Variants in DAPK1 observed in about 807,000 individuals in gnomAD.
DAPK1 encodes the protein death associated protein kinase 1.
A neutral mutation model predicts 144.9 loss-of-function variants in DAPK1; 56 were observed. The ratio of observed to expected loss-of-function variants is 0.39; its 90% CI spans 0.31 to 0.48. The LOEUF (loss-of-function observed/expected upper bound fraction) is 0.48, where lower values mean the gene tolerates loss of function less well. DAPK1 is among the 20% of genes least tolerant of loss of function. The pLI is 0.95. For missense variants in DAPK1, 1,454 were observed against 1,875.4 expected, an observed-to-expected ratio of 0.78 and a Z score of 4.15; for synonymous variants, 690 against 749.0, an observed-to-expected ratio of 0.92 and a Z score of 1.29.
chr9:87,647,101 AG>A (rs1483849465), intron 13 of DAPK1, among the ~76,000 whole-genome samples: 12 of 152,270 alleles, frequency 7.9e-5, no homozygotes, highest in African/African-American at 2.9e-4. Flanking sequence ...CGCTTCACCC[AG>A]GTGCCCCTAA....
intron 2 of DAPK1, among the ~76,000 whole-genome samples, chr9:87,587,379 G>A (rs1411211978): frequency 6.6e-6 from 1 of 152,194 alleles, no homozygotes; most frequent in African/African-American, 2.4e-5. Flanking sequence ...TATAGAATAA[G>A]TACTGGTCTT....
chr9:87,686,666 G>C lies in DAPK1; in HGVS notation c.2340G>C (p.Pro780=). 1.2e-6 allele frequency: 2 copies of C among 1,612,986 alleles called. No homozygotes were observed. Among genetic ancestry groups the C allele is most frequent in the Non-Finnish European group, 1.7e-6 (2 of 1,179,132 alleles). ...TKGMLEVFVA[P]THHPHCSADD... ...GGATGCTGGAGGTGTTTGTGGCCCC[G>C]ACCCACCACCCGCACTGCTCGGCCG... The change falls in exon 21 of 26, where the codon CCG becomes CCC. Residue 780 remains proline (P), a synonymous_variant. Coordinates refer to ENST00000408954, the MANE Select transcript of DAPK1 (RefSeq NM_004938.4). This position sits in a 1 kb window ranked among gnomAD's most constrained non-coding sequence, Gnocchi z 4.2.
Position 87,513,436 on chromosome 9 carries a change from C to T in DAPK1, c.62+14297C>T, listed in dbSNP as rs753820918. On this transcript the variant is annotated intron_variant, in intron 2 of 25. Transcript: ENST00000408954. ...CCTTCATTCAGATTCTTGTGGACGA[C>T]GTAAAAATGTAAGCAGGTGGGTGCA... 3.8e-4 allele frequency among the ~76,000 whole-genome samples: 58 copies of T among 152,044 alleles called. 1 individual carries two copies. The highest frequency in any genetic ancestry group is 4.3e-4 in the Non-Finnish European group (29 of 68,014).
chr9:87,512,521 T>C (rs1229894331), intron 2 of DAPK1, among the ~76,000 whole-genome samples: 2 of 152,200 alleles, frequency 1.3e-5, no homozygotes, highest in African/African-American at 2.4e-5. Context: ...ATTGTTAGGA[T>C]GTACTGAATG....
intron 21 of DAPK1, among the ~76,000 whole-genome samples, chr9:87,694,498 A>C (rs1342243223): frequency 6.6e-6 from 1 of 152,186 alleles, no homozygotes; most frequent in East Asian, 1.9e-4. Flanking sequence ...CAGTGGCTGC[A>C]CTGTGGCTCT....
At chr9:87,640,985 A>T (rs1830074725) in intron 9 of DAPK1, 138 bp downstream of exon 9, 1 of 849,612 alleles carries the variant, frequency 1.2e-6, no homozygotes, top group African/African-American at 1.7e-5. Context: ...ATCGTATCTT[A>T]AGAAAAGCTG....
At chr9:87,673,607 G>C (rs1316199345) in intron 19 of DAPK1, among the ~76,000 whole-genome samples, 1 of 152,110 alleles carries the variant, frequency 6.6e-6, no homozygotes, top group Non-Finnish European at 1.5e-5. Context: ...AAGGAACCTG[G>C]GGCAGGGCTG....
intron 21 of DAPK1, among the ~76,000 whole-genome samples, chr9:87,695,145 A>G (rs1004586256): frequency 2.6e-5 from 4 of 152,188 alleles, no homozygotes; most frequent in African/African-American, 9.6e-5. Context: ...CTGATCTCTC[A>G]CAGCCCCAGC....
chr9:87,646,033 G>A lies in DAPK1; in HGVS notation c.1131+19G>A, dbSNP rs777152411. 21 of 1,609,358 alleles carry A rather than the reference G, an allele frequency of 1.3e-5. No individual in the cohort carries two copies. The highest frequency in any genetic ancestry group is 1.1e-4 in the East Asian group (5 of 44,802). On this transcript the variant is annotated intron_variant, in intron 12 of 25. Coordinates refer to ENST00000408954, the MANE Select transcript of DAPK1 (RefSeq NM_004938.4). ...CAACAAGGTCTGGTTCTGTTCTGCC[G>A]CATACTGGAGGGGTGGGTCACAGCG... is the stretch of plus-strand genomic sequence containing the variant.
chr9:87,562,510 T>C (rs1373124840), intron 2 of DAPK1, among the ~76,000 whole-genome samples: 1 of 152,170 alleles, frequency 6.6e-6, no homozygotes, highest in Admixed American at 6.5e-5. Flanking sequence ...CATGGGTGTG[T>C]CCTCCTACCT....
intron 21 of DAPK1, among the ~76,000 whole-genome samples, chr9:87,687,585 A>C (rs1279951640): frequency 4.6e-5 from 7 of 152,176 alleles, no homozygotes. Context: ...TATTGTGAAT[A>C]GTGCTGAAGT....
chr9:87,612,409 G>T (rs1039815915), intron 3 of DAPK1, among the ~76,000 whole-genome samples: 3 of 152,142 alleles, frequency 2.0e-5, no homozygotes, highest in Admixed American at 6.5e-5. Context: ...GCATCTATAC[G>T]CCAAGGAACC....
chr9:87,639,917 G>T (rs916496847), intron 7 of DAPK1, 102 bp downstream of exon 7: 3 of 1,217,348 alleles, frequency 2.5e-6, no homozygotes, highest in Non-Finnish European at 3.5e-6. Context: ...GCTTATGCAT[G>T]CTTTTGATGC....
chr9:87,661,145 C>T (rs968920689), intron 18 of DAPK1, among the ~76,000 whole-genome samples: 7 of 152,204 alleles, frequency 4.6e-5, no homozygotes, highest in Non-Finnish European at 7.3e-5. Flanking sequence ...GGCTGATTTC[C>T]TTTTCTTAAT....
chr9:87,585,550 C>G (rs1302150760), intron 2 of DAPK1, among the ~76,000 whole-genome samples: 1 of 152,184 alleles, frequency 6.6e-6, no homozygotes, highest in Non-Finnish European at 1.5e-5. Flanking sequence ...GGTCTCTAAG[C>G]TAATTTTGGT....
intron 2 of DAPK1, among the ~76,000 whole-genome samples, chr9:87,556,061 C>T (rs1366908460): frequency 6.6e-6 from 1 of 152,214 alleles, no homozygotes; most frequent in South Asian, 2.1e-4. Context: ...ATGGTAATTA[C>T]TGCCCGGGGC....
rs146298489 is a variant in DAPK1 at position 87,652,143 on chromosome 9, C to G, written c.1824+419C>G. On this transcript the variant is annotated intron_variant, in intron 17 of 25. Coordinates refer to ENST00000408954, the MANE Select transcript of DAPK1 (RefSeq NM_004938.4). ...TGATTCTGTGTCCATTCCCCCGATC[C>G]TGGGTCCTGATTCTGTGTCCTCCCA... Among the ~76,000 whole-genome samples the G allele has an allele frequency of 1.2e-3, 169 of 146,874 alleles. 1 individual carries two copies. The highest frequency in any genetic ancestry group is 4.1e-3 in the African/African-American group (158 of 38,838).
At chr9:87,543,587 A>G (rs1826131643) in intron 2 of DAPK1, among the ~76,000 whole-genome samples, 1 of 152,176 alleles carries the variant, frequency 6.6e-6, no homozygotes, top group Non-Finnish European at 1.5e-5. Flanking sequence ...TCCTTATCTG[A>G]GGTTTTTCTA....
At position 87,687,000 on chromosome 9, in the gene DAPK1, T is replaced by C. The variant is rs1401825714; in HGVS notation, c.2413+261T>C. 1 of 187,416 alleles carries C rather than the reference T, an allele frequency of 5.3e-6. No homozygotes were observed. The highest frequency in any genetic ancestry group is 1.9e-4 in the East Asian group (1 of 5,346). The allele number at this position is 187,416 out of a possible 1,614,324, so 11.6% of individuals were successfully genotyped here. A position where few individuals can be genotyped will look rare whatever the true frequency, so the allele number is the denominator to read the frequency against. On this transcript the variant is annotated intron_variant, in intron 21 of 25. Transcript: ENST00000408954. This position sits in a 1 kb window ranked among gnomAD's most constrained non-coding sequence, Gnocchi z 4.2. ...GCTTGATAAATGACTGTGGAGTAAA[T>C]TAATAATATTTGTACATATTTATGG...
Sources: allele counts gnomAD v4.1 joint callset (sites outside exome capture counted in the v4.1 genomes callset), GRCh38; gene constraint gnomAD v4.1.1; non-coding constraint Gnocchi (gnomAD v3.1); transcripts MANE v1.5; gene names NCBI Gene and HGNC (gene_info 2026-07-23, HGNC 2026-07-21).